NUP214: variants seen among roughly 807,000 people sequenced by gnomAD.
NUP214 encodes nuclear pore complex protein Nup214.
NUP214 carries 79 observed loss-of-function variants against 196.2 expected under a neutral mutation model. The ratio of observed to expected loss-of-function variants is 0.40; its 90% confidence interval spans 0.34 to 0.49. The LOEUF (loss-of-function observed/expected upper bound fraction) is 0.49, where lower values mean the gene tolerates loss of function less well. NUP214 is among the 20% of genes least tolerant of loss of function. The pLI is 0.58. For synonymous variants in NUP214, 1,020 were observed against 990.5 expected, an observed-to-expected ratio of 1.03 and a Z score of -0.56; for missense variants, 2,468 against 2,539.0, an observed-to-expected ratio of 0.97 and a Z score of 0.60.
At chr9:131,130,715 T>C (rs754126928) in intron 4 of NUP214, 51 bp from the exon 5 acceptor site, 6 of 1,489,864 alleles carry the variant, frequency 4.0e-6, no homozygotes, top group Admixed American at 1.7e-5. Flanking sequence ...ATAGATCTTA[T>C]TGGTTTGCTC....
chr9:131,133,480 T>C (rs1831623451), intron 7 of NUP214: 1 of 236,944 alleles, frequency 4.2e-6, no homozygotes, highest in African/African-American at 2.3e-5. Context: ...AATTTTTTTT[T>C]TTTGGTAGAG....
intron 21 of NUP214, among the ~76,000 whole-genome samples, chr9:131,168,541 C>CT (rs1832853476): frequency 6.6e-6 from 1 of 152,198 alleles, no homozygotes; most frequent in Non-Finnish European, 1.5e-5. Flanking sequence ...AACCACTGAT[C>CT]TGCTTTCTTT....
intron 30 of NUP214, among the ~76,000 whole-genome samples, chr9:131,202,835 A>C (rs547702951): frequency 4.6e-5 from 7 of 152,258 alleles, no homozygotes; most frequent in Admixed American, 1.3e-4. Context: ...TATGTAGCCC[A>C]GAGACTCCTT....
intron 9 of NUP214, among the ~76,000 whole-genome samples, chr9:131,138,510 A>C (rs559859452): frequency 6.6e-6 from 1 of 152,060 alleles, no homozygotes; most frequent in Non-Finnish European, 1.5e-5. Context: ...GAACCACTAC[A>C]TCCAGCCTGT....
Position 131,144,744 on chromosome 9 carries a change from C to G in NUP214, c.1759C>G (p.Leu587Val). 6.3e-7 allele frequency: 1 copy of G among 1,598,598 alleles called. No individual in the cohort carries two copies. Among genetic ancestry groups the G allele is most frequent in the Non-Finnish European group, 8.5e-7 (1 of 1,172,762 alleles). Reference sequence around the variant, plus strand: ...CTCAACCTCTGCTGTCAAAGTCAACCTTAGTGAAAAGTAAGTCACTTCTAA... The same window carrying G: ...CTCAACCTCTGCTGTCAAAGTCAACGTTAGTGAAAAGTAAGTCACTTCTAA... ...PPSTSAVKVN[L>V]SEKFTAAATS... The change falls in exon 12 of 36, where the codon CTT (leucine) becomes GTT (valine). Residue 587 changes from leucine (L) to valine (V), a missense_variant. This residue lies in a region of NUP214 where 1,801 missense variants were observed against 1,779.4 expected (regional missense o/e 1.01). Coordinates refer to ENST00000359428, the MANE Select transcript of NUP214 (RefSeq NM_005085.4).
chr9:131,189,507 A>G (rs1833543368), intron 26 of NUP214, among the ~76,000 whole-genome samples: 1 of 152,170 alleles, frequency 6.6e-6, no homozygotes, highest in South Asian at 2.1e-4. Context: ...GCTAAACGCT[A>G]TTTCTTCCAC....
intron 11 of NUP214, among the ~76,000 whole-genome samples, chr9:131,142,939 T>G (rs1485323801): frequency 6.6e-6 from 1 of 152,206 alleles, no homozygotes; most frequent in Non-Finnish European, 1.5e-5. Flanking sequence ...AATTCTTTTC[T>G]TATTTAGTTG....
chr9:131,140,786 G>A, intron 11 of NUP214, 76 bp downstream of exon 11: 1 of 1,406,406 alleles, frequency 7.1e-7, no homozygotes, highest in Non-Finnish European at 9.8e-7. Flanking sequence ...AATGAACATG[G>A]TGTGAAGACA....
intron 15 of NUP214, 66 bp from the exon 16 acceptor site, chr9:131,150,550 C>CA: frequency 6.3e-7 from 1 of 1,589,504 alleles, no homozygotes; most frequent in Non-Finnish European, 8.6e-7. Context: ...AGTTAGTAAG[C>CA]ACGATAGCAG....
intron 21 of NUP214, among the ~76,000 whole-genome samples, chr9:131,168,858 TTTA>T (rs1438002825): frequency 1.3e-5 from 2 of 152,064 alleles, no homozygotes; most frequent in Non-Finnish European, 2.9e-5. Context: ...CAGGGCCACT[TTTA>T]TTATAAATCG....
chr9:131,228,458 A>G lies in NUP214; in HGVS notation c.6074+127A>G, dbSNP rs189299692. 2.9e-4 allele frequency: 250 copies of G among 868,604 alleles called. 1 individual carries two copies. The highest frequency in any genetic ancestry group is 1.9e-4 in the East Asian group (6 of 31,046). The allele number at this position is 868,604 out of a possible 1,614,324, so 53.8% of individuals were successfully genotyped here. A position where few individuals can be genotyped will look rare whatever the true frequency, so the allele number is the denominator to read the frequency against. Reference sequence around the variant, plus strand: ...GCCCCTCCCTTGAAATTTGTGAACAACTCCCTCAAGGATTCCTGTACCTCT... The same window carrying G: ...GCCCCTCCCTTGAAATTTGTGAACAGCTCCCTCAAGGATTCCTGTACCTCT... On this transcript the variant is annotated intron_variant, in intron 33 of 35. Coordinates refer to ENST00000359428, the MANE Select transcript of NUP214 (RefSeq NM_005085.4).
Position 131,125,861 on chromosome 9 carries a change from A to T in NUP214, c.45+112A>T. ...GTCCCGCCTCCTGCTTGAACAGTTT[A>T]CCGCGTTCACAGCTCTCACCAGCGC... On this transcript the variant is annotated intron_variant, in intron 1 of 35. Transcript: ENST00000359428. This position sits in a 1 kb window ranked among gnomAD's most constrained non-coding sequence, Gnocchi z 4.1. The T allele has an allele frequency of 7.8e-7, 1 of 1,275,484 alleles. No homozygotes were observed. Among genetic ancestry groups the T allele is most frequent in the East Asian group, 2.6e-5 (1 of 38,260 alleles). The allele number at this position is 1,275,484 out of a possible 1,614,324, so 79.0% of individuals were successfully genotyped here. A position where few individuals can be genotyped will look rare whatever the true frequency, so the allele number is the denominator to read the frequency against.
chr9:131,207,721 C>A (rs906299055), intron 30 of NUP214, among the ~76,000 whole-genome samples: 3 of 152,204 alleles, frequency 2.0e-5, no homozygotes, highest in Non-Finnish European at 4.4e-5. Flanking sequence ...TGGAAAATAT[C>A]TGTCATAATG....
chr9:131,215,183 T>C, intron 30 of NUP214, 29 bp from the exon 31 acceptor site: 14 of 1,483,600 alleles, frequency 9.4e-6, no homozygotes, highest in Non-Finnish European at 1.1e-5. Flanking sequence ...TCTCATCCTA[T>C]CTTGCTTCCT....
At chr9:131,181,327 C>G (rs1017354703) in intron 24 of NUP214, among the ~76,000 whole-genome samples, 7 of 152,114 alleles carry the variant, frequency 4.6e-5, no homozygotes, top group African/African-American at 1.7e-4. Flanking sequence ...TGTTGGTGGA[C>G]AGTGTCTGTT....
chr9:131,138,895 G>A (rs1831821444), intron 9 of NUP214, among the ~76,000 whole-genome samples: 1 of 152,184 alleles, frequency 6.6e-6, no homozygotes, highest in South Asian at 2.1e-4. Flanking sequence ...AATCCAAAAT[G>A]TCTAGGAGCA....
At chr9:131,152,907 T>G (rs1028202993) in intron 17 of NUP214, among the ~76,000 whole-genome samples, 1 of 151,992 alleles carries the variant, frequency 6.6e-6, no homozygotes, top group Non-Finnish European at 1.5e-5. Flanking sequence ...TCCCACATAG[T>G]TGGGAGTACA....
Position 131,198,421 on chromosome 9 carries a change from T to G in NUP214, c.4927T>G (p.Ser1643Ala). Residue 1643 changes from serine (S) to alanine (A), a missense_variant, in exon 29 of 36, where the codon TCC (serine) becomes GCC (alanine). Physicochemically the swap from Ser to Ala is moderately conservative, Grantham distance 99. This residue lies in a region of NUP214 where 1,801 missense variants were observed against 1,779.4 expected (regional missense o/e 1.01). Coordinates refer to ENST00000359428, the MANE Select transcript of NUP214 (RefSeq NM_005085.4). ...AAFGTVTSGS[S>A]VFAQPPAASS... The stretch of plus-strand genomic sequence containing the variant: ...ATTTGGTACCGTCACTTCTGGCTCA[T>G]CCGTCTTTGCTCAGCCTCCTGCTGC... 6.2e-7 allele frequency: 1 copy of G among 1,614,260 alleles called. No homozygotes were observed.
Position 131,178,426 on chromosome 9 carries a change from A to ATGGG in NUP214, c.3419+16_3419+17insTGGG. 6.3e-7 allele frequency: 1 copy of ATGGG among 1,575,736 alleles called. No homozygotes were observed. ...CAGCCATGGGGTATGTTCTGACTGC[A>ATGGG]GTGTGTTTCAGCCCCTGGCTGCTTC... On this transcript the variant is annotated intron_variant, in intron 24 of 35. Coordinates refer to ENST00000359428, the MANE Select transcript of NUP214 (RefSeq NM_005085.4).
Sources: gnomAD v4.1 joint callset for allele counts (sites outside exome capture counted in the v4.1 genomes callset) on GRCh38, gnomAD v4.1.1 for gene constraint, gnomAD v4.1.1 regional missense constraint, Gnocchi (gnomAD v3.1) non-coding constraint, MANE v1.5 for transcripts, NCBI Gene and HGNC (gene_info 2026-07-23, HGNC 2026-07-21) for gene names.